The following P2RX5 variants were observed in gnomAD, a reference collection of about 807,000 sequenced individuals.
P2RX5 encodes purinergic receptor P2X 5, also known as P2X purinoceptor 5.
Under a neutral mutation model 54.1 loss-of-function variants are expected in P2RX5, and 46 were observed. The ratio of observed to expected loss-of-function variants is 0.85; its 90% confidence interval spans 0.67 to 1.09. The LOEUF is 1.09. Ranked by LOEUF, P2RX5 falls within the 50% of genes least tolerant of loss-of-function variation. The pLI is 0.00. For missense variants in P2RX5, 566 were observed against 549.8 expected (o/e 1.03, Z -0.29); for synonymous variants, 226 against 226.4 (o/e 1.00, Z 0.02).
At chr17:3,681,211 A>G (rs2050270394) in intron 10 of P2RX5, among the ~76,000 whole-genome samples, 1 of 152,162 alleles carries the variant, frequency 6.6e-6, no homozygotes, top group Admixed American at 6.5e-5. Context: ...GAGTGCAGTA[A>G]GGCGAATGAC....
chr17:3,720,423 T>C, the P2RX5 span: 1 of 1,089,130 alleles, frequency 9.2e-7, no homozygotes, highest in Non-Finnish European at 1.4e-6. Flanking sequence ...GGGAAAGGAA[T>C]GAGGGAAACA....
At chr17:3,706,760 C>T in the P2RX5 span, among the ~76,000 whole-genome samples, 1 of 152,162 alleles carries the variant, frequency 6.6e-6, no homozygotes, top group Non-Finnish European at 1.5e-5. Context: ...TACAGGTGCC[C>T]ACCACCACGC....
At chr17:3,695,237 G>T (rs2050724036) in intron 1 of P2RX5, among the ~76,000 whole-genome samples, 1 of 152,210 alleles carries the variant, frequency 6.6e-6, no homozygotes, top group Non-Finnish European at 1.5e-5. Context: ...TGCCTCTTTG[G>T]CTTTGTGGCG....
At chr17:3,717,528 T>C in the P2RX5 span, 1 of 152,224 alleles carries the variant, frequency 6.6e-6, no homozygotes, top group African/African-American at 2.4e-5. Context: ...GACCCAGGTA[T>C]GGCCCTTCCA....
intron 1 of P2RX5, among the ~76,000 whole-genome samples, chr17:3,692,327 T>C (rs1201276045): frequency 6.6e-6 from 1 of 151,360 alleles, no homozygotes; most frequent in South Asian, 2.1e-4. Flanking sequence ...AAAAAATAAA[T>C]AAATAAATAA....
Position 3,679,750 on chromosome 17 carries a change from C to A in P2RX5, c.1099G>T (p.Glu367Ter), listed in dbSNP as rs140372061. The A allele has an allele frequency of 1.2e-6, 2 of 1,611,748 alleles. No homozygotes were observed. The highest frequency in any genetic ancestry group is 1.7e-5 in the Admixed American group (1 of 59,968). The part of the protein sequence containing the change: ...LEDSSQEAED[E>*]ASGLGLSEQL... ...TCAGATAGCCCCAGCCCCGATGCCT[C>A]GTCCTCGGCCTCCTGGGAACTGTCT... The change falls in exon 11 of 12, where the codon GAG becomes TAG. Residue 367 changes from glutamate (E) to a stop codon, truncating the protein, a stop_gained. Transcript: ENST00000225328. LOFTEE classifies it high-confidence loss of function.
At chr17:3,678,796 C>A (rs1306076199) in intron 11 of P2RX5, among the ~76,000 whole-genome samples, 1 of 152,178 alleles carries the variant, frequency 6.6e-6, no homozygotes, top group Non-Finnish European at 1.5e-5. Context: ...GGTGTCCAGC[C>A]CCCACTGGGA....
At chr17:3,706,634 G>C in the P2RX5 span, among the ~76,000 whole-genome samples, 2 of 152,160 alleles carry the variant, frequency 1.3e-5, no homozygotes, top group African/African-American at 2.4e-5. Flanking sequence ...AGCCAAGCTA[G>C]AGCGTCAGAG....
chr17:3,684,862 GGA>G (rs2050393794), intron 9 of P2RX5, among the ~76,000 whole-genome samples: 2 of 49,040 alleles, frequency 4.1e-5, no homozygotes, highest in Non-Finnish European at 7.2e-5. Context: ...TTTTTTTTTT[GGA>G]GATGGAGTTT....
At chr17:3,714,084 C>T in the P2RX5 span, among the ~76,000 whole-genome samples, 22,304 of 148,618 alleles carry the variant, frequency 0.15, 5,150 homozygotes, top group African/African-American at 0.5. Context: ...CCTGCCACCG[C>T]ACCCGGCTAA....
At chr17:3,679,510 G>T (rs1014031615) in intron 11 of P2RX5, 80 bp downstream of exon 11, 7 of 1,316,182 alleles carry the variant, frequency 5.3e-6, no homozygotes, top group South Asian at 1.2e-5. Context: ...CGCTGGAGCT[G>T]CCAGGCATGA....
chr17:3,721,861 C>A, the P2RX5 span: 1 of 151,774 alleles, frequency 6.6e-6, no homozygotes, highest in African/African-American at 2.4e-5. Context: ...GCCTGACCAA[C>A]ACGATGAAAC....
In P2RX5 at chr17:3,688,623, T is replaced by C. The variant is rs372264272; in HGVS notation, c.887+3A>G. On this transcript the variant is annotated splice_donor_region_variant and intron_variant, in intron 8 of 11. Transcript: ENST00000225328. The stretch of plus-strand genomic sequence containing the variant: ...TCACAAGTGGGCACAAGGCAGCGGT[T>C]ACCTGAAGTTGTACCCGGAGGAGAC... 3.1e-6 allele frequency: 5 copies of C among 1,614,124 alleles called. No homozygotes were observed. The East Asian group carries it at 1.1e-4, about 36-fold the overall frequency.
At chr17:3,678,087 C>G in intron 11 of P2RX5, 8 of 985,472 alleles carry the variant, frequency 8.1e-6, no homozygotes, top group Non-Finnish European at 9.6e-6. Flanking sequence ...TACATCTCCA[C>G]TGTCTGCAGC....
chr17:3,673,744 G>A lies in P2RX5; in HGVS notation c.*124C>T, dbSNP rs560410274. ...TGTGATGGCTGGTCCCTGTGATGTG[G>A]CATTGATAGCACCCAATGTACAAAT... is the stretch of plus-strand genomic sequence containing the variant. On this transcript the variant is annotated 3_prime_UTR_variant, in exon 12 of 12. Coordinates refer to ENST00000225328, the MANE Select transcript of P2RX5 (RefSeq NM_002561.4). The A allele has an allele frequency of 4.4e-5, 71 of 1,607,768 alleles. No individual in the cohort carries two copies. In the African/African-American group the frequency reaches 9.2e-4, roughly 21 times the overall value.
Position 3,690,847 on chromosome 17 carries a change from A to G in P2RX5, c.360+109T>C, listed in dbSNP as rs1002614907. ...GAACCACACCCGGGTGCACACAGCC[A>G]CCCGAGACCCTTGGAGTGGACAGAC... On this transcript the variant is annotated intron_variant, in intron 3 of 11. Coordinates refer to ENST00000225328, the MANE Select transcript of P2RX5 (RefSeq NM_002561.4). 9.3e-6 allele frequency: 11 copies of G among 1,178,620 alleles called. No individual in the cohort carries two copies. The African/African-American group carries it at 1.5e-4, about 16-fold the overall frequency. 73.0% of individuals were successfully genotyped at this position (1,178,620 alleles called of 1,614,324 possible).
At chr17:3,713,108 A>G in the P2RX5 span, among the ~76,000 whole-genome samples, 1 of 152,220 alleles carries the variant, frequency 6.6e-6, no homozygotes, top group African/African-American at 2.4e-5. Context: ...TCACGCCCCA[A>G]CACTTTCAGA....
At chr17:3,711,238 A>C in the P2RX5 span, among the ~76,000 whole-genome samples, 1 of 152,136 alleles carries the variant, frequency 6.6e-6, no homozygotes, top group African/African-American at 2.4e-5. Flanking sequence ...TTCTCTCATG[A>C]TACCATCTGA....
Position 3,689,574 on chromosome 17 carries a change from G to A in P2RX5, c.671C>T (p.Pro224Leu). The A allele has an allele frequency of 6.2e-7, 1 of 1,614,184 alleles. No homozygotes were observed. The highest frequency in any genetic ancestry group is 8.5e-7 in the Non-Finnish European group (1 of 1,180,030). Residue 224 changes from proline to leucine, a missense_variant, in exon 7 of 12, where the codon CCC (proline) becomes CTC (leucine). Coordinates refer to ENST00000225328, the MANE Select transcript of P2RX5 (RefSeq NM_002561.4). ...RSFLKSCHFGPKNHYCPIFRL... is the reference protein window; with the variant it reads ...RSFLKSCHFGLKNHYCPIFRL... Reference sequence around the variant, plus strand: ...GAAGATGGGGCAGTAGTGGTTCTTGGGGCCAAAGTGGCATGATTTCAGGAA... The same window carrying A: ...GAAGATGGGGCAGTAGTGGTTCTTGAGGCCAAAGTGGCATGATTTCAGGAA...
Sources: gnomAD v4.1 joint callset for allele counts (sites outside exome capture counted in the v4.1 genomes callset) on GRCh38, gnomAD v4.1.1 for gene constraint, MANE v1.5 for transcripts, NCBI Gene and HGNC (gene_info 2026-07-23, HGNC 2026-07-21) for gene names.